TTC28: variants seen among roughly 807,000 people sequenced by gnomAD.
The protein encoded by TTC28 is tetratricopeptide repeat domain 28, also known as tetratricopeptide repeat protein 28.
In TTC28, 61 loss-of-function variants were observed where a neutral mutation model predicts 198.0. The ratio of observed to expected loss-of-function variants is 0.31; its 90% CI spans 0.25 to 0.38. The LOEUF (loss-of-function observed/expected upper bound fraction) is 0.38, where lower values mean the gene tolerates loss of function less well. Among genes scored for constraint, TTC28 ranks in the 10% least tolerant of loss-of-function variants. The pLI is 1.00. For synonymous variants in TTC28, 1,171 were observed against 1,297.8 expected, an observed-to-expected ratio of 0.90 and a Z score of 2.10; for missense variants, 2,678 against 3,164.0, an observed-to-expected ratio of 0.85 and a Z score of 3.69.
chr22:28,188,395 G>A (rs867348915), intron 5 of TTC28, among the ~76,000 whole-genome samples: 12 of 152,166 alleles, frequency 7.9e-5, no homozygotes, highest in African/African-American at 2.9e-4. Context: ...GCCAAGCCCA[G>A]CTGCAGGACC....
intron 5 of TTC28, among the ~76,000 whole-genome samples, chr22:28,293,470 T>G (rs907375387): frequency 2.0e-5 from 3 of 152,056 alleles, no homozygotes; most frequent in African/African-American, 7.2e-5. Flanking sequence ...CAGAGTGGGT[T>G]GAGGGAGAGG....
intron 5 of TTC28, among the ~76,000 whole-genome samples, chr22:28,286,683 G>A (rs2044692474): frequency 6.6e-6 from 1 of 152,130 alleles, no homozygotes; most frequent in Non-Finnish European, 1.5e-5. Flanking sequence ...CAAGTAGTAT[G>A]GGAATACAGA....
intron 2 of TTC28, among the ~76,000 whole-genome samples, chr22:28,557,721 G>C (rs1054715915): frequency 7.9e-5 from 12 of 152,144 alleles, no homozygotes; most frequent in African/African-American, 2.7e-4. Flanking sequence ...ATCTTGGATT[G>C]TGACTTCAAA....
intron 1 of TTC28, among the ~76,000 whole-genome samples, chr22:28,660,800 A>C (rs936508722): frequency 6.6e-6 from 1 of 150,542 alleles, no homozygotes; most frequent in African/African-American, 2.4e-5. Flanking sequence ...CTGGGATTAC[A>C]GGCATGAGCC....
At chr22:28,132,950 A>G (rs1183364642) in intron 6 of TTC28, among the ~76,000 whole-genome samples, 2 of 152,228 alleles carry the variant, frequency 1.3e-5, no homozygotes, top group African/African-American at 4.8e-5. Context: ...ATGGCCGGGC[A>G]TGGTGGCTCA....
At chr22:28,535,167 T>C (rs1312022206) in intron 2 of TTC28, among the ~76,000 whole-genome samples, 1 of 152,222 alleles carries the variant, frequency 6.6e-6, no homozygotes, top group Non-Finnish European at 1.5e-5. Flanking sequence ...TTGGGAATTA[T>C]TATGACTCAT....
At chr22:28,636,127 ATTTTTTTTT>A (rs71316851) in intron 1 of TTC28, among the ~76,000 whole-genome samples, 2 of 65,722 alleles carry the variant, frequency 3.0e-5, no homozygotes, top group Admixed American at 2.8e-4. Flanking sequence ...AAATGTCAGG[ATTTTTTTTT>A]TTTTTTTTTT....
At chr22:28,351,137 G>T (rs188833963) in intron 2 of TTC28, among the ~76,000 whole-genome samples, 57 of 152,054 alleles carry the variant, frequency 3.7e-4, no homozygotes, top group Non-Finnish European at 7.4e-4. Context: ...AGCCGAGATC[G>T]TGCCACTGCA....
At position 28,105,754 on chromosome 22, in the gene TTC28, G is replaced by T. The variant is rs762741417; in HGVS notation, c.2832C>A (p.Leu944=). 1.9e-6 allele frequency: 3 copies of T among 1,551,644 alleles called. No homozygotes were observed. In the South Asian group the frequency reaches 3.6e-5, roughly 18 times the overall value. ...CCTCTCCAAGTTCATGAGCAACCAC[G>T]AGCCTCTTTTCAAAGCACACAAGGG... The part of the protein sequence containing the change: ...QQALVCFEKR[L]VVAHELGEAF... The change falls in exon 8 of 23, where the codon CTC becomes CTA. Residue 944 remains leucine, a synonymous_variant. Coordinates refer to ENST00000397906, the MANE Select transcript of TTC28 (RefSeq NM_001145418.2).
At position 28,383,461 on chromosome 22, in the gene TTC28, A is replaced by G. The variant is rs146245160; in HGVS notation, c.382-76818T>C. ...CACAAATTTACAACTCAATTGAATT[A>G]CAAATGTACACTCAAATCTCCACTT... On this transcript the variant is annotated intron_variant, in intron 2 of 22. Transcript: ENST00000397906. 5.6e-3 allele frequency among the ~76,000 whole-genome samples: 856 copies of G among 152,314 alleles called. 4 individuals are homozygous for G. Among genetic ancestry groups the G allele is most frequent in the Admixed American group, 9.3e-3 (143 of 15,302 alleles).
At chr22:28,352,684 A>G (rs2046017995) in intron 2 of TTC28, among the ~76,000 whole-genome samples, 1 of 152,110 alleles carries the variant, frequency 6.6e-6, no homozygotes, top group African/African-American at 2.4e-5. Context: ...CTTGGTAGGA[A>G]TGAGCCACCT....
chr22:28,224,068 A>G (rs1432994514), intron 5 of TTC28, among the ~76,000 whole-genome samples: 1 of 152,176 alleles, frequency 6.6e-6, no homozygotes, highest in East Asian at 1.9e-4. Context: ...GACTTGTGGT[A>G]GGAGAGTTGC....
chr22:28,406,059 ACCCTCCTGCGCTAAG>A lies in TTC28; in HGVS notation c.382-99431_382-99417del, dbSNP rs1404925318. On this transcript the variant is annotated intron_variant, in intron 2 of 22. Coordinates refer to ENST00000397906, the MANE Select transcript of TTC28 (RefSeq NM_001145418.2). ...AATTCTTTCCTGGGTGAAGCCAAGAACCCTCCTGCGCTAAGCCCCAATTTTGGGGCTCGCCTGCAC... is the reference window on the plus strand; with the variant it reads ...AATTCTTTCCTGGGTGAAGCCAAGAACCCCAATTTTGGGGCTCGCCTGCAC... 8.5e-5 allele frequency among the ~76,000 whole-genome samples: 13 copies of A among 152,240 alleles called. No homozygotes were observed. The South Asian group carries it at 1.5e-3, about 17-fold the overall frequency.
intron 1 of TTC28, among the ~76,000 whole-genome samples, chr22:28,672,317 G>A (rs543732684): frequency 9.9e-4 from 150 of 152,180 alleles, no homozygotes; most frequent in Non-Finnish European, 1.8e-3. Flanking sequence ...ACAGGCGCCT[G>A]CCACCATGCA....
At chr22:28,082,820 T>C (rs971125658) in intron 12 of TTC28, among the ~76,000 whole-genome samples, 1 of 152,208 alleles carries the variant, frequency 6.6e-6, no homozygotes, top group Non-Finnish European at 1.5e-5. Flanking sequence ...AAAGGATTGG[T>C]ATTAATTCTT....
intron 2 of TTC28, among the ~76,000 whole-genome samples, chr22:28,441,304 C>A (rs1331232635): frequency 6.6e-6 from 1 of 150,502 alleles, no homozygotes; most frequent in African/African-American, 2.5e-5. Flanking sequence ...CATGCAATTA[C>A]AAATATAGAA....
At chr22:28,115,510 A>G (rs993378169) in intron 6 of TTC28, among the ~76,000 whole-genome samples, 1 of 152,252 alleles carries the variant, frequency 6.6e-6, no homozygotes. Context: ...CTGCATATGA[A>G]CAGATTGATG....
At chr22:28,405,083 T>C (rs2046980135) in intron 2 of TTC28, among the ~76,000 whole-genome samples, 1 of 152,228 alleles carries the variant, frequency 6.6e-6, no homozygotes, top group Non-Finnish European at 1.5e-5. Context: ...TCAATTTACT[T>C]GGTATTCAGT....
Position 28,277,437 on chromosome 22 carries a change from G to A in TTC28, c.933+18761C>T, listed in dbSNP as rs550449768. On this transcript the variant is annotated intron_variant, in intron 5 of 22. Transcript: ENST00000397906. ...TTTGGATCATCTGTATCAGTGAATG[G>A]GAAGGGCATTGTTCTACAAACTATT... Among the ~76,000 whole-genome samples, 5 of 152,252 alleles carry A rather than the reference G, an allele frequency of 3.3e-5. No homozygotes were observed. The South Asian group carries it at 6.2e-4, about 19-fold the overall frequency.
Sources: allele counts gnomAD v4.1 joint callset (sites outside exome capture counted in the v4.1 genomes callset), GRCh38; gene constraint gnomAD v4.1.1; transcripts MANE v1.5; gene names NCBI Gene and HGNC (gene_info 2026-07-23, HGNC 2026-07-21).